CDH13: variants seen among roughly 807,000 people sequenced by gnomAD.
CDH13 encodes the protein cadherin 13.
A neutral mutation model predicts 63.8 loss-of-function variants in CDH13; 24 were observed. The ratio of observed to expected loss-of-function variants is 0.38; its 90% CI spans 0.27 to 0.53. CDH13 has a LOEUF of 0.53. CDH13 is among the 20% of genes least tolerant of loss of function. CDH13 has a pLI of 0.85. For synonymous variants in CDH13, 503 were observed against 355.3 expected, an observed-to-expected ratio of 1.42 and a Z score of -4.67; for missense variants, 1,049 against 903.1, an observed-to-expected ratio of 1.16 and a Z score of -2.07.
chr16:83,305,773 T>C (rs923085851), intron 5 of CDH13, among the ~76,000 whole-genome samples: 1 of 152,190 alleles, frequency 6.6e-6, no homozygotes, highest in Non-Finnish European at 1.5e-5. Context: ...CTTAGGATGT[T>C]GGTGAACAGA....
At chr16:83,216,875 C>G (rs559456780) in intron 4 of CDH13, among the ~76,000 whole-genome samples, 2 of 151,916 alleles carry the variant, frequency 1.3e-5, no homozygotes, top group East Asian at 1.9e-4. Flanking sequence ...TCCTCTGCAC[C>G]ATGCCTAGTA....
At position 82,744,997 on chromosome 16, in the gene CDH13, C is replaced by T. The variant is rs569775757; in HGVS notation, c.46-113365C>T. On this transcript the variant is annotated intron_variant, in intron 1 of 13. Transcript: ENST00000567109. Reference sequence around the variant, plus strand: ...TGACAGAGTCAATTCTTTTCCAGTACGGAGAGCGGTGAATTTTGAGAAGTG... The same window carrying T: ...TGACAGAGTCAATTCTTTTCCAGTATGGAGAGCGGTGAATTTTGAGAAGTG... Among the ~76,000 whole-genome samples the T allele has an allele frequency of 7.9e-5, 12 of 152,214 alleles. No homozygotes were observed. In the South Asian group the frequency reaches 8.3e-4, roughly 11 times the overall value.
chr16:83,734,904 G>C (rs998166196), intron 10 of CDH13, among the ~76,000 whole-genome samples: 2 of 151,274 alleles, frequency 1.3e-5, no homozygotes, highest in Non-Finnish European at 2.9e-5. Flanking sequence ...TTATCTGGGA[G>C]ACCTGATGGT....
At chr16:82,755,836 G>C (rs1258594229) in intron 1 of CDH13, among the ~76,000 whole-genome samples, 3 of 152,140 alleles carry the variant, frequency 2.0e-5, no homozygotes, top group Non-Finnish European at 4.4e-5. Flanking sequence ...TATGTGCCTT[G>C]TTAAATATTC....
intron 6 of CDH13, among the ~76,000 whole-genome samples, chr16:83,392,289 C>G (rs1450562835): frequency 6.6e-6 from 1 of 152,174 alleles, no homozygotes; most frequent in Non-Finnish European, 1.5e-5. Context: ...CAGCTCCAAT[C>G]TTAAAGCCTC....
chr16:82,913,704 T>C (rs1180358358), intron 2 of CDH13, among the ~76,000 whole-genome samples: 2 of 151,980 alleles, frequency 1.3e-5, no homozygotes, highest in Non-Finnish European at 2.9e-5. Context: ...CACTGAGGTT[T>C]GTCTGCGTGT....
At chr16:83,246,914 C>T (rs137880813) in intron 5 of CDH13, among the ~76,000 whole-genome samples, 4 of 152,334 alleles carry the variant, frequency 2.6e-5, no homozygotes, top group African/African-American at 9.6e-5. Context: ...CCCGTGACTT[C>T]TCTAATGCAG....
intron 1 of CDH13, among the ~76,000 whole-genome samples, chr16:82,683,282 T>A (rs57197925): frequency 0.011 from 1,658 of 152,312 alleles, 23 homozygotes; most frequent in African/African-American, 0.038. Flanking sequence ...CCTAGCCTTC[T>A]GGTCTAACCT....
intron 10 of CDH13, among the ~76,000 whole-genome samples, chr16:83,715,800 A>T (rs1433053847): frequency 6.6e-6 from 1 of 152,136 alleles, no homozygotes; most frequent in Non-Finnish European, 1.5e-5. Flanking sequence ...GGGATGGTCA[A>T]CCTTGACAAC....
At chr16:82,660,766 A>G (rs1400423127) in intron 1 of CDH13, among the ~76,000 whole-genome samples, 2 of 152,220 alleles carry the variant, frequency 1.3e-5, no homozygotes, top group Non-Finnish European at 2.9e-5. Context: ...GGCTTTCAGC[A>G]TGGCGGGTGG....
At chr16:83,733,023 G>C (rs1435523834) in intron 10 of CDH13, among the ~76,000 whole-genome samples, 1 of 152,194 alleles carries the variant, frequency 6.6e-6, no homozygotes, top group Non-Finnish European at 1.5e-5. Flanking sequence ...TACAACATCA[G>C]ATAGTAAATG....
intron 7 of CDH13, among the ~76,000 whole-genome samples, chr16:83,561,798 A>G (rs1362731026): frequency 1.3e-5 from 2 of 152,210 alleles, no homozygotes; most frequent in Non-Finnish European, 1.5e-5. Flanking sequence ...ATCATCAACT[A>G]CAACATTGTT....
chr16:83,040,741 A>G (rs909497469), intron 3 of CDH13, among the ~76,000 whole-genome samples: 6 of 152,168 alleles, frequency 3.9e-5, no homozygotes, highest in Admixed American at 1.3e-4. Context: ...CTTCAATCCA[A>G]TCGAGTTGAC....
chr16:83,082,991 T>A (rs1037940479), intron 3 of CDH13, among the ~76,000 whole-genome samples: 7 of 152,214 alleles, frequency 4.6e-5, no homozygotes, highest in African/African-American at 7.2e-5. Context: ...GTAAGAATTT[T>A]TTTTAATAGG....
intron 4 of CDH13, among the ~76,000 whole-genome samples, chr16:83,175,144 A>G (rs558716003): frequency 1.3e-4 from 20 of 151,630 alleles, no homozygotes; most frequent in Middle Eastern, 3.4e-3. Context: ...TTCCATCATC[A>G]TAGAAAGCTC....
intron 6 of CDH13, among the ~76,000 whole-genome samples, chr16:83,371,529 G>C (rs55689186): frequency 0.14 from 21,165 of 152,250 alleles, 1,930 homozygotes; most frequent in Middle Eastern, 0.3. Context: ...AGGTGGCATA[G>C]AGGTGATCTT....
chr16:82,725,005 C>A (rs1022037589), intron 1 of CDH13, among the ~76,000 whole-genome samples: 1 of 152,118 alleles, frequency 6.6e-6, no homozygotes, highest in Non-Finnish European at 1.5e-5. Flanking sequence ...TGAGATAATA[C>A]ATTTTAAATA....
At chr16:83,750,529 T>C (rs1004739791) in intron 11 of CDH13, among the ~76,000 whole-genome samples, 1 of 152,132 alleles carries the variant, frequency 6.6e-6, no homozygotes, top group African/African-American at 2.4e-5. Flanking sequence ...GAAGCAGGCT[T>C]GTTGCGGATG....
At chr16:82,749,058 C>G (rs186280277) in intron 1 of CDH13, among the ~76,000 whole-genome samples, 222 of 151,966 alleles carry the variant, frequency 1.5e-3, no homozygotes, top group Non-Finnish European at 2.4e-3. Context: ...ATATGAGTTC[C>G]AAAGACAAGG....
Sources: allele counts gnomAD v4.1 joint callset (sites outside exome capture counted in the v4.1 genomes callset), GRCh38; gene constraint gnomAD v4.1.1; transcripts MANE v1.5; gene names NCBI Gene and HGNC (gene_info 2026-07-23, HGNC 2026-07-21).